Variants in TIAM2 observed in about 807,000 individuals in gnomAD.
TIAM2 encodes TIAM Rac1 associated GEF 2.
TIAM2 carries 80 observed loss-of-function variants against 152.9 expected under a neutral mutation model. The observed-to-expected ratio is 0.52, with a 90% confidence interval of 0.44 to 0.63. The LOEUF is 0.63. Ranked by LOEUF, TIAM2 falls within the 30% of genes least tolerant of loss-of-function variation. TIAM2 has a pLI of 0.00. For missense variants in TIAM2, 1,965 were observed against 2,120.1 expected, an observed-to-expected ratio of 0.93 and a Z score of 1.44; for synonymous variants, 804 against 838.0, an observed-to-expected ratio of 0.96 and a Z score of 0.70.
rs183923769 is a variant in TIAM2 at position 155,029,171 on chromosome 6, A to G, written c.-209+33679A>G. ...ATATGTACTATGTGTTATATACACT[A>G]TATGTACTATGTGTTATATACACTG... On this transcript the variant is annotated intron_variant, in intron 1 of 26. Transcript: ENST00000682666. 1.6e-3 allele frequency among the ~76,000 whole-genome samples: 155 copies of G among 96,010 alleles called. 7 individuals are homozygous for G. Among genetic ancestry groups the G allele is most frequent in the African/African-American group, 3.9e-3 (88 of 22,464 alleles). The allele number at this position is 96,010 out of a possible 152,430, so 63.0% of individuals were successfully genotyped here.
At chr6:155,078,451 GGGACC>G (rs1389033178) in intron 1 of TIAM2, among the ~76,000 whole-genome samples, 1 of 152,174 alleles carries the variant, frequency 6.6e-6, no homozygotes, top group African/African-American at 2.4e-5. Context: ...CGTCACGCAT[GGGACC>G]ATCAGACTTG....
chr6:155,086,358 T>C (rs1352899152), intron 1 of TIAM2, among the ~76,000 whole-genome samples: 1 of 152,214 alleles, frequency 6.6e-6, no homozygotes, highest in Non-Finnish European at 1.5e-5. Context: ...ATGAAGTCAA[T>C]GTGCTCTAAG....
At chr6:155,048,558 T>TG (rs1347831761) in intron 1 of TIAM2, among the ~76,000 whole-genome samples, 1 of 116,454 alleles carries the variant, frequency 8.6e-6, no homozygotes, top group Non-Finnish European at 2.1e-5. Context: ...GAAGGGAGAA[T>TG]GGGGGTCAGG....
At chr6:155,011,121 A>C (rs1471692954) in intron 1 of TIAM2, among the ~76,000 whole-genome samples, 1 of 152,062 alleles carries the variant, frequency 6.6e-6, no homozygotes, top group Admixed American at 6.6e-5. Flanking sequence ...TGTAACATGG[A>C]ATGACCAAAA....
chr6:155,239,633 A>G (rs765173830), intron 15 of TIAM2, among the ~76,000 whole-genome samples: 12 of 152,198 alleles, frequency 7.9e-5, no homozygotes, highest in African/African-American at 2.9e-4. Flanking sequence ...GCTTGTGCCA[A>G]AGGCCAGTGG....
chr6:155,235,942 A>G (rs1004725350), intron 15 of TIAM2, among the ~76,000 whole-genome samples: 1 of 152,192 alleles, frequency 6.6e-6, no homozygotes, highest in Non-Finnish European at 1.5e-5. Flanking sequence ...GATGCCATTT[A>G]ACTTATGATG....
In TIAM2 at chr6:155,007,339, G is replaced by A. The variant is rs112001896; in HGVS notation, c.-209+11847G>A. On this transcript the variant is annotated intron_variant, in intron 1 of 26. Transcript: ENST00000682666. ...ATGCAGCACAGGTTTTCTTATTTCA[G>A]GGTGATCCATGGTTTGACAGGAACC... Among the ~76,000 whole-genome samples, 70 of 152,000 alleles carry A rather than the reference G, an allele frequency of 4.6e-4. 1 individual carries two copies. The highest frequency in any genetic ancestry group is 1.6e-3 in the African/African-American group (68 of 41,490).
rs377733997 is a variant in TIAM2, at chr6:155,032,571, C to T, written c.-209+37079C>T. ...TTTTTTCTTTTTTGAGACAGAGTAT[C>T]GCTCTGTTGCCCAGGCTGGAGTGCA... On this transcript the variant is annotated intron_variant, in intron 1 of 26. Coordinates refer to ENST00000682666, the MANE Select transcript of TIAM2 (RefSeq NM_012454.4). Among the ~76,000 whole-genome samples the T allele has an allele frequency of 9.7e-4, 148 of 152,156 alleles. 2 individuals carry two copies. The highest frequency in any genetic ancestry group is 3.4e-3 in the African/African-American group (142 of 41,504).
At chr6:155,189,746 AAGAGAATT>A (rs1470979637) in intron 14 of TIAM2, among the ~76,000 whole-genome samples, 5 of 152,222 alleles carry the variant, frequency 3.3e-5, no homozygotes, top group Non-Finnish European at 7.3e-5. Context: ...AATTGCAATG[AAGAGAATT>A]AGAGGTCAGA....
chr6:155,066,199 T>C, intron 1 of TIAM2, among the ~76,000 whole-genome samples: 1 of 40,014 alleles, frequency 2.5e-5, no homozygotes, highest in Non-Finnish European at 6.4e-5. Context: ...AGGGCTGGGA[T>C]TACAGGCATG....
chr6:155,198,610 C>T (rs1301803397), intron 14 of TIAM2, among the ~76,000 whole-genome samples: 1 of 135,566 alleles, frequency 7.4e-6, no homozygotes, highest in African/African-American at 2.9e-5. Flanking sequence ...TGTGGTGAGC[C>T]GAGATCGTGC....
rs1279641732 is a variant in TIAM2, at chr6:155,218,919, G to GCCGCCCAC, written c.3168+7615_3168+7616insCCCACCCG. ...CCCACCCGTGTTCTTGACCATCTCA[G>GCCGCCCAC]CCGTGTTCTTGACCATCTCAGCCGC... is the stretch of plus-strand genomic sequence containing the variant. On this transcript the variant is annotated intron_variant, in intron 15 of 26. Coordinates refer to ENST00000682666, the MANE Select transcript of TIAM2 (RefSeq NM_012454.4). This position sits in a 1 kb window ranked among gnomAD's most constrained non-coding sequence, Gnocchi z 4.5. Among the ~76,000 whole-genome samples, 2 of 134,752 alleles carry GCCGCCCAC rather than the reference G, an allele frequency of 1.5e-5. No individual in the cohort carries two copies. The highest frequency in any genetic ancestry group is 7.4e-5 in the Admixed American group (1 of 13,542). The allele number at this position is 134,752 out of a possible 152,430, so 88.4% of individuals were successfully genotyped here. A position where few individuals can be genotyped will look rare whatever the true frequency, so the allele number is the denominator to read the frequency against.
At chr6:155,090,526 G>A (rs529374986) in intron 2 of TIAM2, 147 bp downstream of exon 2, 3 of 152,328 alleles carry the variant, frequency 2.0e-5, no homozygotes, top group African/African-American at 7.2e-5. Context: ...CAGGTTTGCT[G>A]AATGCTGATA....
intron 1 of TIAM2, among the ~76,000 whole-genome samples, chr6:155,065,202 C>T (rs1278392906): frequency 6.6e-6 from 1 of 152,120 alleles, no homozygotes; most frequent in Non-Finnish European, 1.5e-5. Flanking sequence ...GATCTGCCCA[C>T]CTCGGCCTCC....
chr6:155,170,171 A>G (rs1260297674), intron 9 of TIAM2, among the ~76,000 whole-genome samples: 1 of 114,704 alleles, frequency 8.7e-6, no homozygotes, highest in Non-Finnish European at 2.0e-5. Flanking sequence ...TCAAGTGCGT[A>G]TGTCATGGCT....
At chr6:155,116,284 G>A (rs1779008960) in intron 2 of TIAM2, among the ~76,000 whole-genome samples, 1 of 152,036 alleles carries the variant, frequency 6.6e-6, no homozygotes, top group Admixed American at 6.6e-5. Context: ...CAGGTTTGTT[G>A]TGAATACTCA....
intron 18 of TIAM2, 75 bp downstream of exon 18, chr6:155,244,858 A>G: frequency 2.7e-6 from 4 of 1,472,160 alleles, no homozygotes; most frequent in Non-Finnish European, 3.6e-6. Context: ...GAATTCTCTC[A>G]TGAGAAAGAA....
At chr6:155,044,340 G>C (rs994425042) in intron 1 of TIAM2, among the ~76,000 whole-genome samples, 1 of 152,178 alleles carries the variant, frequency 6.6e-6, no homozygotes, top group African/African-American at 2.4e-5. Context: ...CACACGATAG[G>C]ACCATACTGC....
intron 1 of TIAM2, chr6:155,022,277 T>C (rs1337775904): frequency 2.6e-5 from 4 of 152,256 alleles, no homozygotes; most frequent in Admixed American, 6.5e-5. Flanking sequence ...GATTAACCAC[T>C]GCAGGGCCTT....
Sources: allele counts gnomAD v4.1 joint callset (sites outside exome capture counted in the v4.1 genomes callset), GRCh38; gene constraint gnomAD v4.1.1; non-coding constraint Gnocchi (gnomAD v3.1); transcripts MANE v1.5; gene names NCBI Gene and HGNC (gene_info 2026-07-23, HGNC 2026-07-21).